The following MYBPC1 variants were observed in gnomAD, a reference collection of about 807,000 sequenced individuals.
MYBPC1 encodes the protein myosin-binding protein C, slow-type.
A neutral mutation model predicts 147.1 loss-of-function variants in MYBPC1; 52 were observed. That is an observed-to-expected ratio of 0.35 (90% CI 0.28 to 0.45). The LOEUF (loss-of-function observed/expected upper bound fraction) is 0.45. MYBPC1 is among the 20% of genes least tolerant of loss of function. MYBPC1 has a pLI of 1.00. For missense variants in MYBPC1, 1,228 were observed against 1,440.3 expected (o/e 0.85, Z 2.39); for synonymous variants, 477 against 475.9 (o/e 1.00, Z -0.03).
intron 1 of MYBPC1, among the ~76,000 whole-genome samples, chr12:101,608,704 G>C (rs980988496): frequency 2.0e-5 from 3 of 152,186 alleles, no homozygotes; most frequent in African/African-American, 7.2e-5. Context: ...GTTTTGGGGA[G>C]CCCCGATTTT....
In MYBPC1 at chr12:101,653,110, T is replaced by G; in HGVS notation, c.1634-5T>G. On this transcript the variant is annotated splice_region_variant and splice_polypyrimidine_tract_variant and intron_variant, in intron 17 of 31. Transcript: ENST00000361466. ...TGATAACAAAGACTATGCTTAATAT[T>G]CTAGATCCTCCTAAGATCATCCTGG... 6.2e-7 allele frequency: 1 copy of G among 1,613,520 alleles called. No homozygotes were observed.
chr12:101,676,090 AT>A (rs1201665697), intron 26 of MYBPC1, among the ~76,000 whole-genome samples: 1 of 151,874 alleles, frequency 6.6e-6, no homozygotes, highest in Non-Finnish European at 1.5e-5. Flanking sequence ...TTTTTTTATG[AT>A]TTTTTTTCAG....
At chr12:101,629,633 G>GATT in intron 6 of MYBPC1, 89 bp downstream of exon 6, 2 of 899,400 alleles carry the variant, frequency 2.2e-6, no homozygotes, top group East Asian at 2.7e-5. Flanking sequence ...AGCACTCTGG[G>GATT]AGGTCCAGAC....
At chr12:101,692,326 C>T in the MYBPC1 span, among the ~76,000 whole-genome samples, 1 of 152,088 alleles carries the variant, frequency 6.6e-6, no homozygotes, top group South Asian at 2.1e-4. Context: ...TGGCACAAAA[C>T]CAACATGATA....
At chr12:101,625,339 G>C (rs905758358) in intron 3 of MYBPC1, among the ~76,000 whole-genome samples, 1 of 152,132 alleles carries the variant, frequency 6.6e-6, no homozygotes, top group African/African-American at 2.4e-5. Context: ...GTGTAATTTA[G>C]AGTTCAGTTG....
Position 101,680,476 on chromosome 12 carries a change from A to T in MYBPC1, c.3380A>T (p.Lys1127Ile). 1 of 1,614,178 alleles carries T rather than the reference A, an allele frequency of 6.2e-7. No homozygotes were observed. The highest frequency in any genetic ancestry group is 8.5e-7 in the Non-Finnish European group (1 of 1,179,994). The change falls in exon 29 of 32, where the codon AAA becomes ATA. Residue 1127 changes from lysine to isoleucine, a missense_variant. By Grantham distance (102) the Lys-to-Ile change is moderately radical. Coordinates refer to ENST00000361466, the MANE Select transcript of MYBPC1 (RefSeq NM_002465.4). The part of the protein sequence containing the change: ...SPYDGGTYCC[K>I]AVNDLGTVEI... ...TATGATGGAGGCACTTACTGCTGCA[A>T]AGCAGTCAATGACCTTGGGACAGTG...
intron 8 of MYBPC1, among the ~76,000 whole-genome samples, chr12:101,633,646 C>T (rs1335211991): frequency 1.3e-5 from 2 of 150,664 alleles, no homozygotes; most frequent in African/African-American, 4.9e-5. Context: ...AAGACCGCGC[C>T]ATTGCACTCC....
chr12:101,660,224 C>G (rs1430849102), intron 19 of MYBPC1: 13 of 291,984 alleles, frequency 4.5e-5, no homozygotes, highest in Non-Finnish European at 7.3e-5. Context: ...GTCTGATGCT[C>G]TCCTCTTCTT....
At chr12:101,684,301 C>T (rs1951215925) in intron 30 of MYBPC1, 81 bp from the exon 31 acceptor site, 1 of 1,072,068 alleles carries the variant, frequency 9.3e-7, no homozygotes, top group Non-Finnish European at 1.4e-6. Context: ...ATAATTTCAT[C>T]CAACAAGTAC....
At chr12:101,625,564 G>A (rs1221339196) in intron 3 of MYBPC1, among the ~76,000 whole-genome samples, 1 of 152,186 alleles carries the variant, frequency 6.6e-6, no homozygotes, top group Non-Finnish European at 1.5e-5. Flanking sequence ...ATTAGTTAGT[G>A]CAGCTTTTCA....
chr12:101,672,213 T>C (rs1898888874), intron 24 of MYBPC1, among the ~76,000 whole-genome samples: 1 of 152,338 alleles, frequency 6.6e-6, no homozygotes, highest in Admixed American at 6.5e-5. Context: ...CATGTGTGAG[T>C]CTGAGCATCC....
intron 6 of MYBPC1, 83 bp downstream of exon 6, chr12:101,629,627 C>A: frequency 1.1e-6 from 1 of 889,344 alleles, no homozygotes; most frequent in Non-Finnish European, 1.7e-6. Context: ...AATCCCAGCA[C>A]TCTGGGAGGT....
At chr12:101,660,846 T>C (rs1008479349) in intron 19 of MYBPC1, among the ~76,000 whole-genome samples, 1 of 152,108 alleles carries the variant, frequency 6.6e-6, no homozygotes, top group African/African-American at 2.4e-5. Flanking sequence ...GGTTTCCCCT[T>C]ACAAAACCAT....
At chr12:101,629,151 T>C in intron 5 of MYBPC1, 1 of 421,066 alleles carries the variant, frequency 2.4e-6, no homozygotes, top group Non-Finnish European at 4.5e-6. Context: ...GCAAAGGAAT[T>C]ATTGCCATCA....
chr12:101,607,251 A>G (rs2135684537), intron 1 of MYBPC1, among the ~76,000 whole-genome samples: 1 of 152,310 alleles, frequency 6.6e-6, no homozygotes, highest in Non-Finnish European at 1.5e-5. Context: ...AGGTTGGAGT[A>G]TGCATATTGT....
rs182888023 is a variant in MYBPC1, at chr12:101,635,195, C to A, written c.608+590C>A. Among the ~76,000 whole-genome samples the A allele has an allele frequency of 3.3e-5, 5 of 152,108 alleles. No individual in the cohort carries two copies. In the South Asian group the frequency reaches 6.2e-4, roughly 19 times the overall value. On this transcript the variant is annotated intron_variant, in intron 9 of 31. Transcript: ENST00000361466. ...CCAAGGCTGAAAAATGGAGGGGGGG[C>A]GGTCAAGGAAGAAATGTAAAAGATT... is the stretch of plus-strand genomic sequence containing the variant.
At chr12:101,616,391 T>G (rs1158692954) in intron 2 of MYBPC1, among the ~76,000 whole-genome samples, 1 of 152,224 alleles carries the variant, frequency 6.6e-6, no homozygotes, top group Non-Finnish European at 1.5e-5. Flanking sequence ...CACTATCGTT[T>G]CCTTTGTATG....
rs180761899 is a variant in MYBPC1, at chr12:101,680,191, A to G, written c.3247-152A>G. 16 of 765,230 alleles carry G rather than the reference A, an allele frequency of 2.1e-5. No homozygotes were observed. The East Asian group carries it at 4.1e-4, about 20-fold the overall frequency. 47.4% of individuals were successfully genotyped at this position (765,230 alleles called of 1,614,324 possible). A position where few individuals can be genotyped will look rare whatever the true frequency, so the allele number is the denominator to read the frequency against. ...TTTGCCAAGCACTAAGTAGAGTTTA[A>G]TGTGAGAAATAGTGTCAAGTAAAAG... On this transcript the variant is annotated intron_variant, in intron 28 of 31. Transcript: ENST00000361466.
In MYBPC1 at chr12:101,614,550, T is replaced by A. The variant is rs754087337; in HGVS notation, c.61+19T>A. ...CCGGAAGGTGAGTAAAAACACTCAC[T>A]CACACACGTTTGGGCTGCAAATACA... On this transcript the variant is annotated intron_variant, in intron 2 of 31. Transcript: ENST00000361466. The A allele has an allele frequency of 1.9e-6, 3 of 1,612,526 alleles. No homozygotes were observed. The Admixed American group carries it at 5.0e-5, about 27-fold the overall frequency.
Sources: allele counts gnomAD v4.1 joint callset (sites outside exome capture counted in the v4.1 genomes callset), GRCh38; gene constraint gnomAD v4.1.1; transcripts MANE v1.5; gene names NCBI Gene and HGNC (gene_info 2026-07-23, HGNC 2026-07-21).